The following DLG2 variants were observed in gnomAD, a reference collection of about 807,000 sequenced individuals.
DLG2 encodes discs large MAGUK scaffold protein 2.
In DLG2, 45 loss-of-function variants were observed where a neutral mutation model predicts 132.5. The ratio of observed to expected loss-of-function variants is 0.34; its 90% CI spans 0.27 to 0.44. The LOEUF (loss-of-function observed/expected upper bound fraction) is 0.44. DLG2 is among the 20% of genes least tolerant of loss of function. The pLI, the probability that DLG2 is intolerant of heterozygous loss-of-function variation, is 1.00. For missense variants in DLG2, 1,045 were observed against 1,196.9 expected, an observed-to-expected ratio of 0.87 and a Z score of 1.87; for synonymous variants, 424 against 419.6, an observed-to-expected ratio of 1.01 and a Z score of -0.13.
At chr11:84,441,432 TA>T (rs2154477675) in intron 7 of DLG2, among the ~76,000 whole-genome samples, 1 of 152,234 alleles carries the variant, frequency 6.6e-6, no homozygotes, top group East Asian at 1.9e-4. Flanking sequence ...AGCTGATTAT[TA>T]AACAAAAGGG....
intron 5 of DLG2, among the ~76,000 whole-genome samples, chr11:85,141,015 T>C (rs1043117240): frequency 1.3e-5 from 2 of 151,802 alleles, no homozygotes; most frequent in Non-Finnish European, 3.0e-5. Context: ...GCTAAGTGAA[T>C]AAATAATAAA....
At chr11:83,950,918 C>T (rs961827374) in intron 14 of DLG2, among the ~76,000 whole-genome samples, 1 of 151,938 alleles carries the variant, frequency 6.6e-6, no homozygotes, top group Non-Finnish European at 1.5e-5. Flanking sequence ...ATTTGCCTGC[C>T]CCCCCCTCCA....
intron 20 of DLG2, 128 bp from the exon 21 acceptor site, chr11:83,532,911 TCTTC>T: frequency 1.3e-6 from 1 of 760,580 alleles, no homozygotes; most frequent in Non-Finnish European, 2.1e-6. Flanking sequence ...AAAATATTTC[TCTTC>T]CTTTGTTCCA....
intron 6 of DLG2, among the ~76,000 whole-genome samples, chr11:84,607,127 G>A (rs1387407806): frequency 6.6e-6 from 1 of 152,064 alleles, no homozygotes; most frequent in Non-Finnish European, 1.5e-5. Flanking sequence ...AGTATCTTCA[G>A]ATGAGCCCTT....
chr11:84,771,151 G>A (rs1427699516), intron 6 of DLG2, among the ~76,000 whole-genome samples: 2 of 152,080 alleles, frequency 1.3e-5, no homozygotes, highest in African/African-American at 2.4e-5. Context: ...GGGATTGCTG[G>A]GTCAAATGGC....
intron 6 of DLG2, among the ~76,000 whole-genome samples, chr11:84,817,509 G>T (rs572892019): frequency 4.6e-5 from 7 of 151,876 alleles, no homozygotes; most frequent in Non-Finnish European, 7.4e-5. Context: ...AGATTTAGGG[G>T]GTTGTTTTAG....
chr11:84,233,955 C>G (rs1292722346), intron 8 of DLG2, among the ~76,000 whole-genome samples: 4 of 152,184 alleles, frequency 2.6e-5, no homozygotes, highest in Non-Finnish European at 4.4e-5. Context: ...TGGTGATCAG[C>G]AGCTTCCTGA....
At chr11:83,810,127 T>C (rs186847744) in intron 17 of DLG2, among the ~76,000 whole-genome samples, 1 of 152,254 alleles carries the variant, frequency 6.6e-6, no homozygotes, top group East Asian at 1.9e-4. Flanking sequence ...CTTTTCTTTC[T>C]TTTTCAGGCT....
chr11:85,159,717 T>G (rs1297483051), intron 4 of DLG2, among the ~76,000 whole-genome samples: 1 of 152,220 alleles, frequency 6.6e-6, no homozygotes, highest in East Asian at 1.9e-4. Flanking sequence ...GGCAAATGAC[T>G]TTTTCTCCAT....
At chr11:85,273,047 C>T (rs2077644450) in intron 4 of DLG2, among the ~76,000 whole-genome samples, 1 of 152,084 alleles carries the variant, frequency 6.6e-6, no homozygotes, top group African/African-American at 2.4e-5. Flanking sequence ...AACTGGCTAG[C>T]CATATGTAGA....
At chr11:84,024,137 T>A (rs528620836) in intron 11 of DLG2, among the ~76,000 whole-genome samples, 1 of 152,186 alleles carries the variant, frequency 6.6e-6, no homozygotes, top group East Asian at 1.9e-4. Flanking sequence ...TGTTTAAGGG[T>A]CAACAATACA....
intron 18 of DLG2, among the ~76,000 whole-genome samples, chr11:83,734,358 TC>T (rs2091539326): frequency 9.0e-6 from 1 of 110,992 alleles, no homozygotes; most frequent in Non-Finnish European, 1.9e-5. Context: ...CTTCCTTCCT[TC>T]CTTCCTTCCT....
At chr11:84,742,083 A>C (rs929026200) in intron 6 of DLG2, among the ~76,000 whole-genome samples, 5 of 152,106 alleles carry the variant, frequency 3.3e-5, no homozygotes, top group African/African-American at 1.2e-4. Flanking sequence ...CATTTTCTCA[A>C]CTTGAAGATA....
chr11:84,416,906 T>G (rs2098931662), intron 7 of DLG2, among the ~76,000 whole-genome samples: 1 of 152,232 alleles, frequency 6.6e-6, no homozygotes, highest in African/African-American at 2.4e-5. Context: ...AATATTGAAT[T>G]TTGTGTTTTC....
chr11:84,192,450 G>C (rs912582472), intron 8 of DLG2, among the ~76,000 whole-genome samples: 3 of 152,198 alleles, frequency 2.0e-5, no homozygotes, highest in Non-Finnish European at 4.4e-5. Context: ...GCAAAGAAAG[G>C]CTGGGCACGG....
chr11:84,494,373 A>G (rs1222349470), intron 7 of DLG2, among the ~76,000 whole-genome samples: 1 of 152,188 alleles, frequency 6.6e-6, no homozygotes, highest in East Asian at 1.9e-4. Flanking sequence ...ACTTTTGTCT[A>G]GGACATACTT....
chr11:84,485,778 T>C (rs1184051474), intron 7 of DLG2, among the ~76,000 whole-genome samples: 3 of 152,154 alleles, frequency 2.0e-5, no homozygotes, highest in African/African-American at 7.2e-5. Flanking sequence ...TTCCTGTTTC[T>C]TTTATTATTT....
intron 7 of DLG2, among the ~76,000 whole-genome samples, chr11:84,420,375 T>C (rs1461963113): frequency 2.0e-5 from 3 of 152,134 alleles, no homozygotes; most frequent in African/African-American, 4.8e-5. Flanking sequence ...GAATTTGAAA[T>C]ACGATATTCC....
At chr11:84,415,568 A>G (rs1425939244) in intron 7 of DLG2, among the ~76,000 whole-genome samples, 1 of 152,188 alleles carries the variant, frequency 6.6e-6, no homozygotes, top group Admixed American at 6.5e-5. Context: ...TTTCATTATC[A>G]ATGAATGCAT....
Sources: allele counts gnomAD v4.1 joint callset (sites outside exome capture counted in the v4.1 genomes callset), GRCh38; gene constraint gnomAD v4.1.1; transcripts MANE v1.5; gene names NCBI Gene and HGNC (gene_info 2026-07-23, HGNC 2026-07-21).